The following PLAAT1 variants were observed in gnomAD, a reference collection of about 807,000 sequenced individuals.
The protein encoded by PLAAT1 is H-REV107 protein-related protein.
PLAAT1 carries 13 observed loss-of-function variants against 16.4 expected under a neutral mutation model. The ratio of observed to expected loss-of-function variants is 0.79; its 90% CI spans 0.52 to 1.26. The LOEUF (loss-of-function observed/expected upper bound fraction) is 1.26. Ranked by LOEUF, PLAAT1 falls within the 50% of genes most tolerant of loss-of-function variation. The pLI, the probability that PLAAT1 is intolerant of heterozygous loss-of-function variation, is 0.00. For synonymous variants in PLAAT1, 73 were observed against 78.4 expected (o/e 0.93, Z 0.36); for missense variants, 218 against 207.8 (o/e 1.05, Z -0.30).
intron 3 of PLAAT1, among the ~76,000 whole-genome samples, chr3:193,270,296 C>T (rs1235369367): frequency 6.6e-6 from 1 of 152,176 alleles, no homozygotes; most frequent in African/African-American, 2.4e-5. Flanking sequence ...ATATTAACCT[C>T]TTTCACCAGT....
At chr3:193,255,407 C>T (rs569719771) in intron 1 of PLAAT1, among the ~76,000 whole-genome samples, 13 of 152,128 alleles carry the variant, frequency 8.5e-5, no homozygotes, top group Non-Finnish European at 1.8e-4. Flanking sequence ...TGAAATTGAT[C>T]GGGATGAGAA....
downstream of PLAAT1, among the ~76,000 whole-genome samples, chr3:193,273,582 G>C (rs1717058061): frequency 1.3e-5 from 2 of 152,210 alleles, no homozygotes; most frequent in South Asian, 4.2e-4. Context: ...GTACATAATT[G>C]GCACTCATGT....
At chr3:193,276,350 G>A (rs556814442) in intron 2 of PLAAT1, among the ~76,000 whole-genome samples, 1 of 152,248 alleles carries the variant, frequency 6.6e-6, no homozygotes, top group Non-Finnish European at 1.5e-5. Flanking sequence ...AATAAGCAAC[G>A]GCTTCTCCTC....
Position 193,263,023 on chromosome 3 carries a change from C to T in PLAAT1, c.193C>T (p.Leu65=), listed in dbSNP as rs1716643462. 2 of 1,614,114 alleles carry T rather than the reference C, an allele frequency of 1.2e-6. No homozygotes were observed. The highest frequency in any genetic ancestry group is 1.7e-6 in the Non-Finnish European group (2 of 1,180,022). Reference sequence around the variant, plus strand: ...CAAGTCTGTATTCAGCAGTAAGGCCCTGGTGAAAATGCAGCTCTTGAAGGA... The same window carrying T: ...CAAGTCTGTATTCAGCAGTAAGGCCTTGGTGAAAATGCAGCTCTTGAAGGA... The part of the protein sequence containing the change: ...SAKSVFSSKA[L]VKMQLLKDVV... The change falls in exon 3 of 4, where the codon CTG becomes TTG. Residue 65 remains leucine (L), a synonymous_variant. Coordinates refer to ENST00000264735, the MANE Select transcript of PLAAT1 (RefSeq NM_020386.5).
chr3:193,242,553 G>T lies in PLAAT1; in HGVS notation c.-1+1020G>T, dbSNP rs1458356632. On this transcript the variant is annotated intron_variant, in intron 1 of 3. Coordinates refer to ENST00000264735, the MANE Select transcript of PLAAT1 (RefSeq NM_020386.5). The stretch of plus-strand genomic sequence containing the variant: ...AATAATGGATAGTTTGATTTGCCTA[G>T]AATGTAGAGATTAATAAGGATGCCA... Among the ~76,000 whole-genome samples, 3 of 152,152 alleles carry T rather than the reference G, an allele frequency of 2.0e-5. 1 individual carries two copies. Among genetic ancestry groups the T allele is most frequent in the African/African-American group, 7.2e-5 (3 of 41,426 alleles).
chr3:193,277,974 T>A (rs1717300596), downstream of PLAAT1, among the ~76,000 whole-genome samples: 1 of 152,182 alleles, frequency 6.6e-6, no homozygotes, highest in Non-Finnish European at 1.5e-5. Context: ...CAGCTAATTT[T>A]TATATTTTTA....
chr3:193,251,439 C>G (rs902327094), intron 1 of PLAAT1, among the ~76,000 whole-genome samples: 20 of 152,184 alleles, frequency 1.3e-4, no homozygotes, highest in African/African-American at 4.8e-4. Context: ...CAAACCCTTT[C>G]CAGGGAGAGA....
downstream of PLAAT1, chr3:193,279,216 A>G: frequency 3.3e-6 from 2 of 598,908 alleles, no homozygotes; most frequent in South Asian, 4.7e-5. Flanking sequence ...GGTGAAATCC[A>G]GATATCTTAT....
intron 2 of PLAAT1, among the ~76,000 whole-genome samples, chr3:193,258,353 C>T (rs1649972625): frequency 2.0e-5 from 3 of 151,772 alleles, no homozygotes; most frequent in Admixed American, 2.0e-4. Flanking sequence ...CATAGTGGAA[C>T]TAGGAAAAAA....
chr3:193,254,172 G>A (rs1425430723), intron 1 of PLAAT1, among the ~76,000 whole-genome samples: 1 of 152,190 alleles, frequency 6.6e-6, no homozygotes, highest in African/African-American at 2.4e-5. Flanking sequence ...TTTTTCAACA[G>A]ATGGACAGCT....
At chr3:193,270,044 ATTAT>A (rs1180544192) in intron 3 of PLAAT1, among the ~76,000 whole-genome samples, 1 of 148,750 alleles carries the variant, frequency 6.7e-6, no homozygotes, top group Non-Finnish European at 1.5e-5. Flanking sequence ...ACATCCCTGA[ATTAT>A]TTGCTATTTG....
Position 193,241,553 on chromosome 3 carries a change from G to T in PLAAT1, c.-1+20G>T. On this transcript the variant is annotated intron_variant, in intron 1 of 3. Transcript: ENST00000264735. The stretch of plus-strand genomic sequence containing the variant: ...AGTGAGGTGTGCTGGGCGGAGTGGG[G>T]GAGGACCTCGAGGCGCCCCGGCAAC... 8.1e-7 allele frequency: 1 copy of T among 1,231,568 alleles called. No individual in the cohort carries two copies. The highest frequency in any genetic ancestry group is 1.5e-5 in the African/African-American group (1 of 64,542). The allele number at this position is 1,231,568 out of a possible 1,614,324, so 76.3% of individuals were successfully genotyped here.
At chr3:193,267,191 A>C (rs536081316) in intron 3 of PLAAT1, among the ~76,000 whole-genome samples, 1 of 152,280 alleles carries the variant, frequency 6.6e-6, no homozygotes, top group East Asian at 1.9e-4. Flanking sequence ...AAAATTGATG[A>C]ACCAACATTA....
chr3:193,258,109 T>C (rs915598551), intron 2 of PLAAT1, among the ~76,000 whole-genome samples: 2 of 152,126 alleles, frequency 1.3e-5, no homozygotes, highest in African/African-American at 4.8e-5. Context: ...TAAACTCCCT[T>C]TCATATATAC....
chr3:193,277,071 C>A (rs1717250932), intron 2 of PLAAT1, among the ~76,000 whole-genome samples: 1 of 152,178 alleles, frequency 6.6e-6, no homozygotes, highest in African/African-American at 2.4e-5. Context: ...CTCATGGTGC[C>A]TACTGAGAAA....
downstream of PLAAT1, among the ~76,000 whole-genome samples, chr3:193,271,079 C>T (rs1416958578): frequency 6.6e-6 from 1 of 152,084 alleles, no homozygotes; most frequent in Non-Finnish European, 1.5e-5. Flanking sequence ...TTTTAAGAAC[C>T]CCAGATTGTT....
intron 1 of PLAAT1, among the ~76,000 whole-genome samples, chr3:193,250,747 A>G (rs1716160535): frequency 6.6e-6 from 1 of 152,136 alleles, no homozygotes; most frequent in Non-Finnish European, 1.5e-5. Context: ...CTTCTGGTCT[A>G]GAGTTATTAC....
intron 3 of PLAAT1, among the ~76,000 whole-genome samples, chr3:193,264,594 C>T (rs1577309975): frequency 6.6e-6 from 1 of 152,026 alleles, no homozygotes; most frequent in South Asian, 2.1e-4. Flanking sequence ...ACCTCCGCCT[C>T]CTGGGTTCAG....
chr3:193,264,565 A>G (rs1445026293), intron 3 of PLAAT1, among the ~76,000 whole-genome samples: 1 of 151,124 alleles, frequency 6.6e-6, no homozygotes, highest in African/African-American at 2.4e-5. Context: ...GTGCAGTGGC[A>G]CGATCTCAGC....
Sources: allele counts gnomAD v4.1 joint callset (sites outside exome capture counted in the v4.1 genomes callset), GRCh38; gene constraint gnomAD v4.1.1; transcripts MANE v1.5; gene names NCBI Gene and HGNC (gene_info 2026-07-23, HGNC 2026-07-21).